Variants in SGCZ observed in about 807,000 individuals in gnomAD.
The protein encoded by SGCZ is zeta-sarcoglycan.
A neutral mutation model predicts 41.3 loss-of-function variants in SGCZ; 40 were observed. The observed-to-expected ratio is 0.97, with a 90% confidence interval of 0.75 to 1.26. The LOEUF is 1.26. Among genes scored for constraint, SGCZ ranks in the 50% most tolerant of loss-of-function variants. The probability of loss-of-function intolerance (pLI) is 0.00; values close to 1 mark genes in which losing one functional copy is unlikely to be tolerated. For missense variants in SGCZ, 552 were observed against 369.8 expected, an observed-to-expected ratio of 1.49 and a Z score of -4.04; for synonymous variants, 206 against 137.5, an observed-to-expected ratio of 1.50 and a Z score of -3.49.
intron 2 of SGCZ, among the ~76,000 whole-genome samples, chr8:14,370,982 A>G (rs1026660608): frequency 6.6e-6 from 1 of 152,022 alleles, no homozygotes; most frequent in Admixed American, 6.6e-5. Context: ...CATTCTATGG[A>G]GATTATAAAT....
At chr8:14,892,004 C>T (rs1250966966) in intron 1 of SGCZ, among the ~76,000 whole-genome samples, 4 of 152,232 alleles carry the variant, frequency 2.6e-5, no homozygotes, top group African/African-American at 9.6e-5. Context: ...CTTTTACATG[C>T]ACTGGGCAAC....
At chr8:15,067,835 A>C (rs1805208525) in intron 1 of SGCZ, among the ~76,000 whole-genome samples, 1 of 152,242 alleles carries the variant, frequency 6.6e-6, no homozygotes, top group Non-Finnish European at 1.5e-5. Context: ...GATAAAAATA[A>C]TCAAGCAATG....
intron 1 of SGCZ, among the ~76,000 whole-genome samples, chr8:15,179,172 T>G (rs1800087072): frequency 6.6e-6 from 1 of 152,140 alleles, no homozygotes; most frequent in African/African-American, 2.4e-5. Flanking sequence ...ATAATTAACC[T>G]GTTTAAGTAA....
chr8:14,112,804 T>C (rs1802414508), intron 5 of SGCZ, among the ~76,000 whole-genome samples: 1 of 152,050 alleles, frequency 6.6e-6, no homozygotes, highest in Admixed American at 6.6e-5. Flanking sequence ...TTCAAACACG[T>C]CAAAACTTGT....
At chr8:15,006,000 T>A (rs1369439063) in intron 1 of SGCZ, among the ~76,000 whole-genome samples, 1 of 152,148 alleles carries the variant, frequency 6.6e-6, no homozygotes, top group Non-Finnish European at 1.5e-5. Context: ...GAATTTTAAG[T>A]GTTTGGTTCT....
chr8:14,102,885 G>T (rs187696758), intron 6 of SGCZ, among the ~76,000 whole-genome samples: 2 of 152,034 alleles, frequency 1.3e-5, no homozygotes, highest in Admixed American at 6.6e-5. Context: ...AATGATGGAG[G>T]TTTAATAAAA....
intron 1 of SGCZ, among the ~76,000 whole-genome samples, chr8:15,174,997 C>T (rs1214845578): frequency 1.3e-5 from 2 of 152,068 alleles, no homozygotes; most frequent in South Asian, 2.1e-4. Flanking sequence ...ACCTAATGCA[C>T]GTGGGGCTTA....
Position 14,090,589 on chromosome 8 carries a change from A to G in SGCZ, c.793T>C (p.Ser265Pro), listed in dbSNP as rs879035354. Residue 265 changes from serine to proline, a missense_variant, in exon 8 of 8, where the codon TCC becomes CCC. Coordinates refer to ENST00000382080, the MANE Select transcript of SGCZ (RefSeq NM_139167.4). ...TIKLGNLPTGSFSSSSPSSSS... is the reference protein window; with the variant it reads ...TIKLGNLPTGPFSSSSPSSSS... ...GAGCTGGGTGAAGAAGATGAGAAGG[A>G]GCCAGTTGGTAGATTTCCCAGCTTG... 6.8e-6 allele frequency: 11 copies of G among 1,612,814 alleles called. No individual in the cohort carries two copies. The highest frequency in any genetic ancestry group is 9.3e-6 in the Non-Finnish European group (11 of 1,179,398).
chr8:14,471,502 CAT>C (rs1319223666), intron 2 of SGCZ, among the ~76,000 whole-genome samples: 1 of 152,044 alleles, frequency 6.6e-6, no homozygotes, highest in Non-Finnish European at 1.5e-5. Context: ...ACAAGGAAGA[CAT>C]AGTCTCTGGG....
chr8:14,517,837 G>T (rs1000153779), intron 2 of SGCZ, among the ~76,000 whole-genome samples: 2 of 151,070 alleles, frequency 1.3e-5, no homozygotes, highest in Non-Finnish European at 3.0e-5. Flanking sequence ...TGATTTAATT[G>T]AACACATTTT....
chr8:14,706,981 C>CTT (rs559486370), intron 1 of SGCZ, among the ~76,000 whole-genome samples: 4 of 126,968 alleles, frequency 3.2e-5, no homozygotes, highest in African/African-American at 5.6e-5. Context: ...TTAGTCAATT[C>CTT]TTTTTTTTTT....
chr8:14,633,898 A>G (rs973979958), intron 1 of SGCZ, among the ~76,000 whole-genome samples: 2 of 151,322 alleles, frequency 1.3e-5, no homozygotes, highest in Non-Finnish European at 3.0e-5. Context: ...TTAAACAAAC[A>G]AAAGTTTCTT....
At chr8:14,992,356 A>C (rs1240732157) in intron 1 of SGCZ, among the ~76,000 whole-genome samples, 1 of 148,750 alleles carries the variant, frequency 6.7e-6, no homozygotes, top group South Asian at 2.2e-4. Flanking sequence ...TCCCAAATCT[A>C]CTCCCAAAAC....
At chr8:14,304,314 C>T (rs547724436) in intron 3 of SGCZ, among the ~76,000 whole-genome samples, 19 of 152,002 alleles carry the variant, frequency 1.2e-4, no homozygotes, top group Middle Eastern at 3.4e-3. Flanking sequence ...ATTAAAAAGG[C>T]CAGGTGTGGT....
intron 7 of SGCZ, among the ~76,000 whole-genome samples, chr8:14,099,599 C>A (rs933397711): frequency 2.0e-5 from 3 of 152,058 alleles, no homozygotes; most frequent in Admixed American, 6.6e-5. Context: ...GTGGCAGGTG[C>A]CTGTAATCCC....
At chr8:15,119,634 C>A (rs960345344) in intron 1 of SGCZ, among the ~76,000 whole-genome samples, 7 of 151,774 alleles carry the variant, frequency 4.6e-5, no homozygotes, top group Admixed American at 3.3e-4. Context: ...CAGCTCAATT[C>A]CCACCCCAAC....
intron 5 of SGCZ, among the ~76,000 whole-genome samples, chr8:14,154,247 G>A (rs1325380222): frequency 6.6e-6 from 1 of 152,010 alleles, no homozygotes; most frequent in African/African-American, 2.4e-5. Flanking sequence ...GTGGTCGCCT[G>A]TAGTCCCAGC....
At chr8:14,591,594 G>A (rs560390605) in intron 1 of SGCZ, among the ~76,000 whole-genome samples, 1 of 152,050 alleles carries the variant, frequency 6.6e-6, no homozygotes, top group Admixed American at 6.5e-5. Context: ...AGAATCATAA[G>A]ATGTTTGCAC....
chr8:14,713,028 A>G (rs1413348924), intron 1 of SGCZ, among the ~76,000 whole-genome samples: 1 of 152,162 alleles, frequency 6.6e-6, no homozygotes, highest in Non-Finnish European at 1.5e-5. Context: ...GTAGGCCCCT[A>G]GTTGCTCATT....
Sources: allele counts gnomAD v4.1 joint callset (sites outside exome capture counted in the v4.1 genomes callset), GRCh38; gene constraint gnomAD v4.1.1; transcripts MANE v1.5; gene names NCBI Gene and HGNC (gene_info 2026-07-23, HGNC 2026-07-21).